The following OTOG variants were observed in gnomAD, a reference collection of about 807,000 sequenced individuals.
OTOG encodes the protein otogelin.
In OTOG, 296 loss-of-function variants were observed where a neutral mutation model predicts 313.8. The ratio of observed to expected loss-of-function variants is 0.94; its 90% CI spans 0.86 to 1.04. The LOEUF (loss-of-function observed/expected upper bound fraction) is 1.04. Among genes scored for constraint, OTOG ranks in the 50% least tolerant of loss-of-function variants. The pLI is 0.00. For missense variants in OTOG, 3,948 were observed against 3,840.1 expected, an observed-to-expected ratio of 1.03 and a Z score of -0.74; for synonymous variants, 1,533 against 1,554.9, an observed-to-expected ratio of 0.99 and a Z score of 0.33.
At chr11:17,619,338 A>G (rs774494886) in intron 39 of OTOG, among the ~76,000 whole-genome samples, 1 of 152,318 alleles carries the variant, frequency 6.6e-6, no homozygotes, top group East Asian at 1.9e-4. Context: ...TTCAGTTTTT[A>G]AAGATCCAAT....
At chr11:17,619,996 A>G (rs1231759621) in intron 39 of OTOG, among the ~76,000 whole-genome samples, 2 of 152,190 alleles carry the variant, frequency 1.3e-5, no homozygotes, top group Non-Finnish European at 1.5e-5. Context: ...CTTCATTTTT[A>G]AGAGATACTT....
In OTOG at chr11:17,570,115, C is replaced by T. The variant is rs142498786; in HGVS notation, c.1778-98C>T. ...AGGCAGGCAGGGGGCGAAGACTGGG[C>T]CGGGCGTGGGAGTCTGAGCGGGCCA... On this transcript the variant is annotated intron_variant, in intron 16 of 55. Transcript: ENST00000399397. 5,274 of 1,129,548 alleles carry T rather than the reference C, an allele frequency of 4.7e-3. 13 individuals carry two copies. The highest frequency in any genetic ancestry group is 0.013 in the Middle Eastern group (63 of 4,976). 70.0% of individuals were successfully genotyped at this position (1,129,548 alleles called of 1,614,324 possible). A position where few individuals can be genotyped will look rare whatever the true frequency, so the allele number is the denominator to read the frequency against.
chr11:17,573,009 G>C (rs1852437306), intron 18 of OTOG, 69 bp from the exon 19 acceptor site: 3 of 1,381,270 alleles, frequency 2.2e-6, no homozygotes, highest in Non-Finnish European at 2.9e-6. Flanking sequence ...GGGAGGGAGA[G>C]AGGCTGATCC....
Position 17,593,731 on chromosome 11 carries a change from A to T in OTOG, c.3263A>T (p.His1088Leu). The change falls in exon 27 of 56, where the codon CAC becomes CTC. Residue 1088 changes from histidine to leucine, a missense_variant. Transcript: ENST00000399397. The stretch of plus-strand genomic sequence containing the variant: ...TTGTGGGACCAGAGAACCACAGTGC[A>T]CGTCCAGGCTGGGCCTCAGTGGCAG... ...TLLWDQRTTV[H>L]VQAGPQWQGQ... The T allele has an allele frequency of 6.5e-7, 1 of 1,548,734 alleles. No individual in the cohort carries two copies. The highest frequency in any genetic ancestry group is 8.7e-7 in the Non-Finnish European group (1 of 1,146,952).
intron 53 of OTOG, among the ~76,000 whole-genome samples, chr11:17,642,543 A>G (rs1354936373): frequency 6.6e-6 from 1 of 152,116 alleles, no homozygotes; most frequent in Non-Finnish European, 1.5e-5. Flanking sequence ...CACACACCAC[A>G]CACTCCAGGG....
intron 39 of OTOG, among the ~76,000 whole-genome samples, chr11:17,615,707 G>A (rs1266424854): frequency 6.6e-6 from 1 of 152,150 alleles, no homozygotes; most frequent in Non-Finnish European, 1.5e-5. Flanking sequence ...GAGGTGGGCG[G>A]ATCTCAAGGT....
At chr11:17,605,768 G>A (rs11024340) in intron 32 of OTOG, 89 bp from the exon 33 acceptor site, 6 of 1,396,644 alleles carry the variant, frequency 4.3e-6, no homozygotes, top group South Asian at 1.5e-5. Flanking sequence ...ATCCAGAGTC[G>A]CTGAGAGAGC....
chr11:17,619,457 A>G (rs1394149559), intron 39 of OTOG, among the ~76,000 whole-genome samples: 1 of 152,110 alleles, frequency 6.6e-6, no homozygotes, highest in Non-Finnish European at 1.5e-5. Flanking sequence ...TATTTGTGAC[A>G]TCTGTTCTTT....
rs1204480050 is a variant in OTOG, at chr11:17,602,196, C to T, written c.3710-14C>T. The T allele has an allele frequency of 3.9e-6, 6 of 1,549,178 alleles. No homozygotes were observed. The highest frequency in any genetic ancestry group is 5.2e-6 in the Non-Finnish European group (6 of 1,146,750). ...CCATGGGGCCAGGTTGCTGATGGGG[C>T]CTCTTCTCTCCAGTGCTAGGTAAGG... is the stretch of plus-strand genomic sequence containing the variant. On this transcript the variant is annotated splice_polypyrimidine_tract_variant and intron_variant, in intron 31 of 55. Coordinates refer to ENST00000399397, the MANE Select transcript of OTOG (RefSeq NM_001292063.2).
chr11:17,581,557 A>G (rs573738813), intron 23 of OTOG, among the ~76,000 whole-genome samples: 1 of 152,292 alleles, frequency 6.6e-6, no homozygotes, highest in South Asian at 2.1e-4. Flanking sequence ...GTCCTCCTTA[A>G]ATAGGGAGCC....
intron 23 of OTOG, among the ~76,000 whole-genome samples, chr11:17,584,077 G>A (rs145966249): frequency 7.9e-5 from 12 of 152,058 alleles, no homozygotes; most frequent in African/African-American, 2.9e-4. Context: ...TGTTATAAAC[G>A]GTATTATTTT....
intron 39 of OTOG, among the ~76,000 whole-genome samples, chr11:17,628,100 A>C (rs948822676): frequency 1.3e-5 from 2 of 151,570 alleles, no homozygotes; most frequent in African/African-American, 4.8e-5. Flanking sequence ...TCTTCTACTA[A>C]TTTTGGATTC....
intron 3 of OTOG, 111 bp from the exon 4 acceptor site, chr11:17,551,889 G>C: frequency 1.1e-6 from 1 of 918,514 alleles, no homozygotes; most frequent in Non-Finnish European, 1.7e-6. Flanking sequence ...AGGGGCAGGG[G>C]CTCCTCCCTC....
chr11:17,556,641 T>C (rs1852062896), intron 7 of OTOG, among the ~76,000 whole-genome samples: 1 of 152,176 alleles, frequency 6.6e-6, no homozygotes, highest in African/African-American at 2.4e-5. Context: ...AGACAGTACT[T>C]TTGTTTCCCT....
At chr11:17,584,347 T>A (rs910284543) in intron 23 of OTOG, among the ~76,000 whole-genome samples, 13 of 152,330 alleles carry the variant, frequency 8.5e-5, no homozygotes, top group Non-Finnish European at 1.3e-4. Flanking sequence ...TGAATAGAAG[T>A]GATGGAAGTA....
chr11:17,608,369 A>G lies in OTOG; in HGVS notation c.4230A>G (p.Gln1410=), dbSNP rs1473240332. The change falls in exon 34 of 56, where the codon CAA becomes CAG. Residue 1410 remains glutamine, a synonymous_variant. Coordinates refer to ENST00000399397, the MANE Select transcript of OTOG (RefSeq NM_001292063.2). The part of the protein sequence containing the change: ...RYDACASPCF[Q]TCRDPRAASC... ...ATGCCTGTGCCAGCCCCTGCTTCCA[A>G]ACCTGCCGGGACCCACGGGCAGCCA... 2.6e-6 allele frequency: 4 copies of G among 1,546,762 alleles called. No homozygotes were observed. The South Asian group carries it at 4.8e-5, about 19-fold the overall frequency.
intron 32 of OTOG, among the ~76,000 whole-genome samples, chr11:17,604,735 C>G (rs765353505): frequency 2.6e-5 from 4 of 152,272 alleles, no homozygotes; most frequent in Non-Finnish European, 5.9e-5. Flanking sequence ...TGGCCCACAG[C>G]AGGCACTCAG....
rs1851829161 is a variant in OTOG at position 17,547,341 on chromosome 11, G to A, written c.-32G>A. 7.6e-7 allele frequency: 1 copy of A among 1,323,686 alleles called. No homozygotes were observed. The highest frequency in any genetic ancestry group is 3.6e-5 in the Admixed American group (1 of 27,626). 82.0% of individuals were successfully genotyped at this position (1,323,686 alleles called of 1,614,324 possible). On this transcript the variant is annotated 5_prime_UTR_variant, in exon 1 of 56. Coordinates refer to ENST00000399397, the MANE Select transcript of OTOG (RefSeq NM_001292063.2). ...GGAGGCACCTCGGGAGGCTGGCCCT[G>A]CGCTCAAGTCCTCCGGTCCCCTCGT...
rs1204939927 is a variant in OTOG at position 17,561,069 on chromosome 11, C to T, written c.1452-22C>T. Reference sequence around the variant, plus strand: ...CAGGCCTGGAGGGGTGACCTCTTGCCTCCTTGGTCTCTGTGTTTTAGCACA... The same window carrying T: ...CAGGCCTGGAGGGGTGACCTCTTGCTTCCTTGGTCTCTGTGTTTTAGCACA... On this transcript the variant is annotated intron_variant, in intron 13 of 55. Coordinates refer to ENST00000399397, the MANE Select transcript of OTOG (RefSeq NM_001292063.2). The T allele has an allele frequency of 2.6e-6, 4 of 1,550,418 alleles. No individual in the cohort carries two copies. In the African/African-American group the frequency reaches 4.1e-5, roughly 16 times the overall value.
Sources: allele counts gnomAD v4.1 joint callset (sites outside exome capture counted in the v4.1 genomes callset), GRCh38; gene constraint gnomAD v4.1.1; transcripts MANE v1.5; gene names NCBI Gene and HGNC (gene_info 2026-07-23, HGNC 2026-07-21).